The following MIER1 variants were observed in gnomAD, a reference collection of about 807,000 sequenced individuals.
The protein encoded by MIER1 is mesoderm induction early response protein 1.
A neutral mutation model predicts 75.7 loss-of-function variants in MIER1; 40 were observed. The observed-to-expected ratio is 0.53, with a 90% CI of 0.41 to 0.69. The LOEUF is 0.69. Ranked by LOEUF, MIER1 falls within the 30% of genes least tolerant of loss-of-function variation. The pLI is 0.00. For missense variants in MIER1, 574 were observed against 680.2 expected, an observed-to-expected ratio of 0.84 and a Z score of 1.74; for synonymous variants, 213 against 223.4, an observed-to-expected ratio of 0.95 and a Z score of 0.42.
In MIER1 at chr1:66,941,821, A is replaced by G. The variant is rs115549590; in HGVS notation, c.193+1769A>G. 3.8e-3 allele frequency among the ~76,000 whole-genome samples: 573 copies of G among 152,152 alleles called. 4 individuals carry two copies. The highest frequency in any genetic ancestry group is 0.013 in the African/African-American group (553 of 41,504). On this transcript the variant is annotated intron_variant, in intron 3 of 13. Transcript: ENST00000401041. ...TCTCGTCTCTTCTAAAAATACGAAA[A>G]TTAGCCAGGATGGTGGCACATGCTT... is the stretch of plus-strand genomic sequence containing the variant.
chr1:66,975,946 T>C (rs970669284), intron 11 of MIER1, among the ~76,000 whole-genome samples: 8 of 152,252 alleles, frequency 5.3e-5, no homozygotes, highest in African/African-American at 1.9e-4. Context: ...GCAAACTGTT[T>C]ATAACATTTA....
chr1:66,951,831 A>C (rs1038252541), intron 4 of MIER1, among the ~76,000 whole-genome samples: 1 of 152,176 alleles, frequency 6.6e-6, no homozygotes, highest in African/African-American at 2.4e-5. Flanking sequence ...ACATTGTAAC[A>C]GGATGCTGTA....
chr1:66,929,968 C>T (rs908694657), intron 2 of MIER1, among the ~76,000 whole-genome samples: 1 of 152,246 alleles, frequency 6.6e-6, no homozygotes, highest in Non-Finnish European at 1.5e-5. Context: ...CTGGATGTGA[C>T]TCCTTTGGCA....
At chr1:66,971,869 G>A (rs775471972) in intron 10 of MIER1, 133 bp downstream of exon 10, 5 of 506,822 alleles carry the variant, frequency 9.9e-6, no homozygotes, top group African/African-American at 4.0e-5. Context: ...AAAATACCAA[G>A]TATTACTAAA....
At chr1:66,950,178 G>C (rs924541464) in intron 4 of MIER1, among the ~76,000 whole-genome samples, 1 of 151,914 alleles carries the variant, frequency 6.6e-6, no homozygotes, top group South Asian at 2.1e-4. Context: ...GCACGATCTC[G>C]GCTCACTGCA....
chr1:66,945,649 C>T (rs572776917), intron 3 of MIER1, among the ~76,000 whole-genome samples: 71 of 152,194 alleles, frequency 4.7e-4, no homozygotes, highest in Admixed American at 2.4e-3. Flanking sequence ...ATTGCTTGAG[C>T]CTGGGAGTTC....
rs1228522378 is a variant in MIER1 at position 66,984,660 on chromosome 1, TAAG to T, written c.1461_1463del (p.Lys488del). On this transcript the variant is annotated inframe_deletion, in exon 14 of 14. Coordinates refer to ENST00000401041, the MANE Select transcript of MIER1 (RefSeq NM_001077700.3). ...ACATTAATGGACCAACAGGTGGAAA[TAAG>T]AAACCACTTCATGCAGATATGGATA... The T allele has an allele frequency of 6.2e-7, 1 of 1,613,806 alleles. No individual in the cohort carries two copies. Among genetic ancestry groups the T allele is most frequent in the Non-Finnish European group, 8.5e-7 (1 of 1,179,876 alleles).
chr1:66,953,573 T>C (rs1659456729), intron 4 of MIER1, among the ~76,000 whole-genome samples: 1 of 151,954 alleles, frequency 6.6e-6, no homozygotes, highest in Non-Finnish European at 1.5e-5. Context: ...AGTTTAATAC[T>C]AGTAAGTAAG....
chr1:66,930,419 C>T (rs1461477180), intron 2 of MIER1: 2 of 1,605,150 alleles, frequency 1.2e-6, no homozygotes, highest in Non-Finnish European at 8.5e-7. Flanking sequence ...GCGAGCTCCC[C>T]CTCCCTGTCC....
intron 2 of MIER1, among the ~76,000 whole-genome samples, chr1:66,936,998 C>CAAAAA (rs751644771): frequency 1.6e-4 from 11 of 68,342 alleles, no homozygotes; most frequent in East Asian, 4.5e-4. Flanking sequence ...GACTCCATCT[C>CAAAAA]AAAAAAAAAA....
chr1:66,925,326 C>T (rs1651308167), intron 1 of MIER1: 2 of 985,342 alleles, frequency 2.0e-6, no homozygotes, highest in Admixed American at 6.1e-5. Context: ...GACTGCCTCC[C>T]AGCGCCGCCT....
chr1:66,925,911 T>A (rs1325003519), intron 1 of MIER1, among the ~76,000 whole-genome samples: 1 of 152,248 alleles, frequency 6.6e-6, no homozygotes, highest in African/African-American at 2.4e-5. Flanking sequence ...GACTGAACCT[T>A]CTTCACTTAT....
intron 4 of MIER1, among the ~76,000 whole-genome samples, chr1:66,953,021 C>T (rs1355077956): frequency 6.6e-6 from 1 of 152,186 alleles, no homozygotes; most frequent in Admixed American, 6.5e-5. Context: ...TTGAGATAGT[C>T]TATGCTTCTT....
At chr1:66,968,753 T>TA (rs1194525613) in intron 8 of MIER1, among the ~76,000 whole-genome samples, 2 of 152,238 alleles carry the variant, frequency 1.3e-5, no homozygotes, top group African/African-American at 4.8e-5. Context: ...GAGCTACCCT[T>TA]AACTTTTTCC....
At chr1:66,965,324 T>G (rs1027268879) in intron 8 of MIER1, among the ~76,000 whole-genome samples, 2 of 152,076 alleles carry the variant, frequency 1.3e-5, no homozygotes, top group African/African-American at 4.8e-5. Context: ...AGACATTTGT[T>G]TTTATTAAAT....
intron 2 of MIER1, among the ~76,000 whole-genome samples, chr1:66,935,943 TTAAA>T (rs1183407781): frequency 1.4e-5 from 2 of 138,742 alleles, no homozygotes; most frequent in Non-Finnish European, 3.3e-5. Context: ...TGCATGGACT[TTAAA>T]TGTTTTTCTA....
chr1:66,968,594 C>A, intron 8 of MIER1, among the ~76,000 whole-genome samples: 1 of 152,110 alleles, frequency 6.6e-6, no homozygotes, highest in East Asian at 1.9e-4. Flanking sequence ...TGCCATCCGA[C>A]TTTTTTTATT....
rs1666967973 is a variant in MIER1, at chr1:66,987,790, T to C, written c.*2890T>C. 6.6e-6 allele frequency: 1 copy of C among 152,246 alleles called. No homozygotes were observed. Among genetic ancestry groups the C allele is most frequent in the Non-Finnish European group, 1.5e-5 (1 of 67,980 alleles). The allele number at this position is 152,246 out of a possible 1,614,324, so 9.4% of individuals were successfully genotyped here. A position where few individuals can be genotyped will look rare whatever the true frequency, so the allele number is the denominator to read the frequency against. ...ATATATATATACACAGTCTGTTTCTTCTATTCCTAGACATATTGCACTACT... is the reference window on the plus strand; with the variant it reads ...ATATATATATACACAGTCTGTTTCTCCTATTCCTAGACATATTGCACTACT... On this transcript the variant is annotated 3_prime_UTR_variant, in exon 14 of 14. Coordinates refer to ENST00000401041, the MANE Select transcript of MIER1 (RefSeq NM_001077700.3).
intron 8 of MIER1, among the ~76,000 whole-genome samples, chr1:66,967,700 CATT>C (rs1429331064): frequency 6.1e-5 from 9 of 147,114 alleles, no homozygotes; most frequent in Admixed American, 6.1e-4. Context: ...TTATAGTTGT[CATT>C]ATGGAGATCT....
Sources: gnomAD v4.1 joint callset for allele counts (sites outside exome capture counted in the v4.1 genomes callset) on GRCh38, gnomAD v4.1.1 for gene constraint, MANE v1.5 for transcripts, NCBI Gene and HGNC (gene_info 2026-07-23, HGNC 2026-07-21) for gene names.